PLEKHA7: variants seen among roughly 807,000 people sequenced by gnomAD.
PLEKHA7 encodes pleckstrin homology domain containing A7.
In PLEKHA7, 104 loss-of-function variants were observed where a neutral mutation model predicts 170.0. The ratio of observed to expected loss-of-function variants is 0.61; its 90% CI spans 0.52 to 0.72. The LOEUF (loss-of-function observed/expected upper bound fraction) is 0.72. Among genes scored for constraint, PLEKHA7 ranks in the 30% least tolerant of loss-of-function variants. PLEKHA7 has a pLI of 0.00. For missense variants in PLEKHA7, 1,615 were observed against 1,671.7 expected, an observed-to-expected ratio of 0.97 and a Z score of 0.59; for synonymous variants, 648 against 660.8, an observed-to-expected ratio of 0.98 and a Z score of 0.30.
chr11:16,812,654 G>A (rs1475150253), intron 13 of PLEKHA7, among the ~76,000 whole-genome samples: 4 of 152,136 alleles, frequency 2.6e-5, no homozygotes, highest in Non-Finnish European at 4.4e-5. Flanking sequence ...CTCCTAAACC[G>A]AGATGGGAGA....
intron 3 of PLEKHA7, among the ~76,000 whole-genome samples, chr11:17,003,047 C>G (rs1226546998): frequency 5.2e-5 from 7 of 134,634 alleles, no homozygotes; most frequent in African/African-American, 1.7e-4. Context: ...GGCTGGCATG[C>G]AATGGCGCAA....
rs1046632148 is a variant in PLEKHA7 at position 16,779,133 on chromosome 11, C to T, written c.3794-113G>A. 9.7e-5 allele frequency: 67 copies of T among 688,926 alleles called. 1 individual carries two copies. The Middle Eastern group carries it at 1.7e-3, about 17-fold the overall frequency. 42.7% of individuals were successfully genotyped at this position (688,926 alleles called of 1,614,324 possible). A position where few individuals can be genotyped will look rare whatever the true frequency, so the allele number is the denominator to read the frequency against. ...ACAGGCAGAGCAGCAGAGCAGGGGGCTCTGGCAATGCGGCCGCTGCTGGGG... is the reference window on the plus strand; with the variant it reads ...ACAGGCAGAGCAGCAGAGCAGGGGGTTCTGGCAATGCGGCCGCTGCTGGGG... On this transcript the variant is annotated intron_variant, in intron 26 of 26. Transcript: ENST00000531066.
intron 3 of PLEKHA7, among the ~76,000 whole-genome samples, chr11:17,006,369 G>A (rs1864993512): frequency 6.7e-6 from 1 of 149,472 alleles, no homozygotes; most frequent in African/African-American, 2.5e-5. Flanking sequence ...GCTCACACCT[G>A]TAATCCTAGC....
At chr11:16,954,955 G>T (rs1485873399) in intron 3 of PLEKHA7, among the ~76,000 whole-genome samples, 1 of 152,166 alleles carries the variant, frequency 6.6e-6, no homozygotes, top group East Asian at 1.9e-4. Flanking sequence ...CTCCCAAAGT[G>T]CTGGGATTAC....
At position 16,855,872 on chromosome 11, in the gene PLEKHA7, C is replaced by T. The variant is rs149078871; in HGVS notation, c.348G>A (p.Pro116=). The change falls in exon 5 of 27, where the codon CCG becomes CCA. Residue 116 remains proline (P), a synonymous_variant. Transcript: ENST00000531066. The stretch of plus-strand genomic sequence containing the variant: ...TGGATGTTTCACTGACCATGCTGGA[C>T]GGTCTTTGGTTTCTGTCTTGCTTCG... ...HMSKQDRNQR[P]SSMVSETSTA... is the part of the protein sequence containing the mutation. 258 of 1,614,110 alleles carry T rather than the reference C, an allele frequency of 1.6e-4. 1 individual carries two copies. The African/African-American group carries it at 2.7e-3, about 17-fold the overall frequency.
At chr11:16,843,708 G>A (rs527979614) in intron 8 of PLEKHA7, among the ~76,000 whole-genome samples, 30 of 152,374 alleles carry the variant, frequency 2.0e-4, no homozygotes, top group African/African-American at 6.5e-4. Flanking sequence ...GGGAAGCCAA[G>A]GCGGGTAGAT....
chr11:16,899,270 G>A (rs1857178843), intron 3 of PLEKHA7, among the ~76,000 whole-genome samples: 2 of 152,220 alleles, frequency 1.3e-5, no homozygotes, highest in Non-Finnish European at 2.9e-5. Flanking sequence ...GCTGAGGCAG[G>A]CGGATCACCT....
intron 13 of PLEKHA7, among the ~76,000 whole-genome samples, chr11:16,806,816 C>T (rs1470509903): frequency 6.6e-6 from 1 of 152,212 alleles, no homozygotes; most frequent in Non-Finnish European, 1.5e-5. Flanking sequence ...CCAAGAAACT[C>T]ATGCTCAACT....
At position 16,778,887 on chromosome 11, in the gene PLEKHA7, G is replaced by T. The variant is rs952550987; in HGVS notation, c.*111C>A. ...AGTCGGTAAGCTGCTCCTTCCTCCGGCCGGATTCCCTGCTCAGCTGGAAGG... is the reference window on the plus strand; with the variant it reads ...AGTCGGTAAGCTGCTCCTTCCTCCGTCCGGATTCCCTGCTCAGCTGGAAGG... On this transcript the variant is annotated 3_prime_UTR_variant, in exon 27 of 27. Coordinates refer to ENST00000531066, the MANE Select transcript of PLEKHA7 (RefSeq NM_001329630.2). 7.2e-6 allele frequency: 5 copies of T among 698,236 alleles called. No homozygotes were observed. Among genetic ancestry groups the T allele is most frequent in the African/African-American group, 7.0e-5 (4 of 57,168 alleles). The allele number at this position is 698,236 out of a possible 1,614,324, so 43.3% of individuals were successfully genotyped here.
At chr11:16,883,713 C>T (rs1855873646) in intron 3 of PLEKHA7, among the ~76,000 whole-genome samples, 1 of 152,178 alleles carries the variant, frequency 6.6e-6, no homozygotes, top group African/African-American at 2.4e-5. Flanking sequence ...CCTCCTTCCT[C>T]AACATTCTTA....
Position 16,789,650 on chromosome 11 carries a change from G to A in PLEKHA7, c.3156+125C>T. 2.6e-6 allele frequency: 2 copies of A among 775,240 alleles called. No homozygotes were observed. The highest frequency in any genetic ancestry group is 3.6e-5 in the South Asian group (2 of 55,326). The allele number at this position is 775,240 out of a possible 1,614,324, so 48.0% of individuals were successfully genotyped here. ...ACAGTGGGTGACAGGGAGCTCAGGA[G>A]GGGCTGAGGCCACCCCAGAGGCCAT... On this transcript the variant is annotated intron_variant, in intron 22 of 26. Coordinates refer to ENST00000531066, the MANE Select transcript of PLEKHA7 (RefSeq NM_001329630.2). The surrounding 1 kb of genome is among the most constrained non-coding windows in gnomAD (Gnocchi z 4.6).
At chr11:16,952,799 A>G (rs1861487016) in intron 3 of PLEKHA7, among the ~76,000 whole-genome samples, 1 of 152,232 alleles carries the variant, frequency 6.6e-6, no homozygotes, top group Admixed American at 6.5e-5. Flanking sequence ...TCCAGGTTAC[A>G]GATTTATCAA....
chr11:16,997,815 T>C (rs66491337), intron 3 of PLEKHA7, among the ~76,000 whole-genome samples: 8,210 of 152,304 alleles, frequency 0.054, 384 homozygotes, highest in Non-Finnish European at 0.079. Context: ...CAGCCCTGGC[T>C]ACACCCTCTC....
rs752599462 is a variant in PLEKHA7, at chr11:16,829,864, C to CT, written c.873-3275dup. Among the ~76,000 whole-genome samples the CT allele has an allele frequency of 1.6e-3, 208 of 128,884 alleles. 1 individual carries two copies. The highest frequency in any genetic ancestry group is 2.4e-3 in the Non-Finnish European group (153 of 64,584). The allele number at this position is 128,884 out of a possible 152,430, so 84.6% of individuals were successfully genotyped here. ...ATGACAGGTTTCTTTTTTCTTTTTT[C>CT]TTTTTTTCACACGATAGGTTTTAGC... On this transcript the variant is annotated intron_variant, in intron 9 of 26. Transcript: ENST00000531066.
At chr11:16,843,627 A>C (rs1295689940) in intron 8 of PLEKHA7, among the ~76,000 whole-genome samples, 1 of 152,206 alleles carries the variant, frequency 6.6e-6, no homozygotes, top group African/African-American at 2.4e-5. Context: ...ATTTTAAGCA[A>C]GGTGGAAATG....
chr11:16,792,691 G>A (rs1002682165), intron 19 of PLEKHA7, among the ~76,000 whole-genome samples: 1 of 152,188 alleles, frequency 6.6e-6, no homozygotes, highest in Non-Finnish European at 1.5e-5. Flanking sequence ...AAAACAGGTG[G>A]TCTCTTTATT....
At chr11:16,788,981 T>C (rs1341320414) in intron 23 of PLEKHA7, 115 bp downstream of exon 23, 43 of 1,299,398 alleles carry the variant, frequency 3.3e-5, no homozygotes, top group Non-Finnish European at 4.2e-5. Context: ...CTCTGAACCA[T>C]GTAGGTCAAT....
Position 17,009,625 on chromosome 11 carries a change from T to TTTTATTTATTTATTTA in PLEKHA7, c.221+4348_221+4363dup, listed in dbSNP as rs34851996. Among the ~76,000 whole-genome samples the TTTTATTTATTTATTTA allele has an allele frequency of 2.8e-3, 425 of 149,230 alleles. 1 individual carries two copies. The highest frequency in any genetic ancestry group is 0.01 in the African/African-American group (411 of 40,496). On this transcript the variant is annotated intron_variant, in intron 3 of 26. Transcript: ENST00000531066. Reference sequence around the variant, plus strand: ...AGTGCTAGAGTACAAAAAGTCTTCGTTTTATTTATTTATTTATTTATTTAT... The same window carrying TTTTATTTATTTATTTA: ...AGTGCTAGAGTACAAAAAGTCTTCGTTTTATTTATTTATTTATTTATTTATTTATTTATTTATTTAT...
At chr11:16,802,406 G>T (rs998253763) in intron 15 of PLEKHA7, among the ~76,000 whole-genome samples, 131 of 152,254 alleles carry the variant, frequency 8.6e-4, no homozygotes, top group African/African-American at 3.0e-3. Flanking sequence ...GGGACCTGGG[G>T]TCATCACATA....
Sources: allele counts gnomAD v4.1 joint callset (sites outside exome capture counted in the v4.1 genomes callset), GRCh38; gene constraint gnomAD v4.1.1; non-coding constraint Gnocchi (gnomAD v3.1); transcripts MANE v1.5; gene names NCBI Gene and HGNC (gene_info 2026-07-23, HGNC 2026-07-21).